The following FAM174B variants were observed in gnomAD, a reference collection of about 807,000 sequenced individuals.
FAM174B encodes the protein membrane protein FAM174B.
Under a neutral mutation model 10.9 loss-of-function variants are expected in FAM174B, and 12 were observed. The ratio of observed to expected loss-of-function variants is 1.10; its 90% CI spans 0.71 to 1.79. The LOEUF (loss-of-function observed/expected upper bound fraction) is 1.79. Ranked by LOEUF, FAM174B falls within the 40% of genes most tolerant of loss-of-function variation. FAM174B has a pLI of 0.00. For synonymous variants in FAM174B, 132 were observed against 115.8 expected (o/e 1.14, Z -0.90); for missense variants, 266 against 233.3 (o/e 1.14, Z -0.91).
At chr15:92,624,188 G>A (rs1292646233) in intron 2 of FAM174B, among the ~76,000 whole-genome samples, 1 of 152,196 alleles carries the variant, frequency 6.6e-6, no homozygotes, top group Non-Finnish European at 1.5e-5. Context: ...GAAGAGGACT[G>A]GCAGAGGTTT....
At chr15:92,634,548 T>C (rs1596298622) in intron 1 of FAM174B, 2 of 152,086 alleles carry the variant, frequency 1.3e-5, no homozygotes, top group East Asian at 1.9e-4. Flanking sequence ...CCCCAACCCA[T>C]AGGAGAAGGA....
At chr15:92,621,637 A>C (rs1303769476) in intron 2 of FAM174B, among the ~76,000 whole-genome samples, 1 of 151,626 alleles carries the variant, frequency 6.6e-6, no homozygotes, top group African/African-American at 2.4e-5. Context: ...GAGTATCTTC[A>C]TATTAGCCAC....
At chr15:92,621,942 G>C (rs1240931331) in intron 2 of FAM174B, among the ~76,000 whole-genome samples, 4 of 152,322 alleles carry the variant, frequency 2.6e-5, no homozygotes, top group Admixed American at 6.5e-5. Flanking sequence ...GATGAAGGGT[G>C]GGGGCACAGG....
chr15:92,632,353 G>T (rs1412207668), intron 1 of FAM174B, among the ~76,000 whole-genome samples: 1 of 152,140 alleles, frequency 6.6e-6, no homozygotes, highest in Non-Finnish European at 1.5e-5. Context: ...GACTATCCTG[G>T]CTAACATGGT....
At position 92,631,165 on chromosome 15, in the gene FAM174B, TAATAATTTATATATTATATTATATATTA is replaced by T. The variant is rs2050797981; in HGVS notation, c.345-848_345-821del. On this transcript the variant is annotated intron_variant, in intron 1 of 2. Transcript: ENST00000327355. ...ATTACATATTATATTATATATTATA[TAATAATTTATATATTATATTATATATTA>T]TATATATTACATATATTATATATTA... Among the ~76,000 whole-genome samples the T allele has an allele frequency of 1.7e-4, 6 of 35,978 alleles. 3 individuals carry two copies. The highest frequency in any genetic ancestry group is 3.6e-4 in the Non-Finnish European group (6 of 16,718). The allele number at this position is 35,978 out of a possible 152,430, so 23.6% of individuals were successfully genotyped here. A position where few individuals can be genotyped will look rare whatever the true frequency, so the allele number is the denominator to read the frequency against.
At position 92,630,204 on chromosome 15, in the gene FAM174B, C is replaced by T. The variant is rs751009876; in HGVS notation, c.476+10G>A. The T allele has an allele frequency of 1.2e-6, 2 of 1,612,792 alleles. No homozygotes were observed. The highest frequency in any genetic ancestry group is 1.3e-5 in the African/African-American group (1 of 74,846). On this transcript the variant is annotated intron_variant, in intron 2 of 2. Transcript: ENST00000327355. ...AAGCCCAGGAGGAAGCCTCTGTCTCCACCCTGTACCTGTATTTGATGTCGA... is the reference window on the plus strand; with the variant it reads ...AAGCCCAGGAGGAAGCCTCTGTCTCTACCCTGTACCTGTATTTGATGTCGA...
chr15:92,625,647 T>A (rs2050747724), intron 2 of FAM174B, among the ~76,000 whole-genome samples: 1 of 152,246 alleles, frequency 6.6e-6, no homozygotes, highest in Non-Finnish European at 1.5e-5. Flanking sequence ...AAACAGCATG[T>A]ATAATACAGT....
chr15:92,619,618 C>T lies in FAM174B; in HGVS notation c.477-159G>A, dbSNP rs961769972. Reference sequence around the variant, plus strand: ...GAGCGTGCTGTCTGGAAGGCGCAATCCACTCTTCCAGCAAACCCCCTCCCT... The same window carrying T: ...GAGCGTGCTGTCTGGAAGGCGCAATTCACTCTTCCAGCAAACCCCCTCCCT... On this transcript the variant is annotated intron_variant, in intron 2 of 2. Transcript: ENST00000327355. 6.5e-6 allele frequency: 5 copies of T among 765,104 alleles called. No individual in the cohort carries two copies. The African/African-American group carries it at 7.1e-5, about 11-fold the overall frequency. The allele number at this position is 765,104 out of a possible 1,614,324, so 47.4% of individuals were successfully genotyped here. A position where few individuals can be genotyped will look rare whatever the true frequency, so the allele number is the denominator to read the frequency against.
At position 92,617,596 on chromosome 15, in the gene FAM174B, G is replaced by T; in HGVS notation, c.*1860C>A. Reference sequence around the variant, plus strand: ...CCCGGGTGTTTCTGCGTAAGGCAGAGGAATCCAGCTTTTCCATGAGATTCA... The same window carrying T: ...CCCGGGTGTTTCTGCGTAAGGCAGATGAATCCAGCTTTTCCATGAGATTCA... On this transcript the variant is annotated 3_prime_UTR_variant, in exon 3 of 3. Transcript: ENST00000327355. 1 of 637,958 alleles carries T rather than the reference G, an allele frequency of 1.6e-6. No homozygotes were observed. Among genetic ancestry groups the T allele is most frequent in the Non-Finnish European group, 2.8e-6 (1 of 359,530 alleles). The allele number at this position is 637,958 out of a possible 1,614,324, so 39.5% of individuals were successfully genotyped here. A position where few individuals can be genotyped will look rare whatever the true frequency, so the allele number is the denominator to read the frequency against.
At chr15:92,635,576 TTTC>T (rs936766462) in intron 1 of FAM174B, among the ~76,000 whole-genome samples, 1 of 146,312 alleles carries the variant, frequency 6.8e-6, no homozygotes, top group Non-Finnish European at 1.5e-5. Flanking sequence ...CACATATTTC[TTTC>T]TTTTTTTTTT....
At chr15:92,650,696 G>C (rs11074091) in intron 1 of FAM174B, among the ~76,000 whole-genome samples, 1 of 152,058 alleles carries the variant, frequency 6.6e-6, no homozygotes, top group African/African-American at 2.4e-5. Context: ...AGCAGTCCTT[G>C]GCTTATGTGT....
At chr15:92,630,558 C>CCTG (rs938093434) in intron 1 of FAM174B, among the ~76,000 whole-genome samples, 4 of 151,838 alleles carry the variant, frequency 2.6e-5, no homozygotes, top group African/African-American at 7.3e-5. Flanking sequence ...CGGTTAACAC[C>CCTG]CTGCTGCCCC....
At chr15:92,629,104 G>C (rs1043952758) in intron 2 of FAM174B, among the ~76,000 whole-genome samples, 2 of 152,144 alleles carry the variant, frequency 1.3e-5, no homozygotes, top group African/African-American at 4.8e-5. Context: ...CTGTGCTGAG[G>C]AACACAGGTG....
intron 2 of FAM174B, among the ~76,000 whole-genome samples, chr15:92,623,908 T>C (rs2050736234): frequency 6.6e-6 from 1 of 152,258 alleles, no homozygotes; most frequent in Admixed American, 6.5e-5. Flanking sequence ...GCATTGATAC[T>C]TAGGATGATT....
intron 2 of FAM174B, among the ~76,000 whole-genome samples, chr15:92,625,731 T>C (rs1323883658): frequency 6.6e-6 from 1 of 152,264 alleles, no homozygotes; most frequent in Non-Finnish European, 1.5e-5. Context: ...AGTAGTGAGA[T>C]GACAAGTAAC....
At position 92,655,310 on chromosome 15, in the gene FAM174B, G is replaced by A. The variant is rs1398819197; in HGVS notation, c.344+6C>T. The A allele has an allele frequency of 2.6e-6, 4 of 1,555,642 alleles. No homozygotes were observed. Among genetic ancestry groups the A allele is most frequent in the Non-Finnish European group, 3.5e-6 (4 of 1,150,368 alleles). ...GCGGGGGAAGGAAGAGGGCGGGAGG[G>A]CCCACCTGAAGACGCGCAGCAGCAG... On this transcript the variant is annotated splice_donor_region_variant and intron_variant, in intron 1 of 2. Coordinates refer to ENST00000327355, the MANE Select transcript of FAM174B (RefSeq NM_207446.3).
At position 92,655,736 on chromosome 15, in the gene FAM174B, C is replaced by A. The variant is rs1210080611; in HGVS notation, c.-77G>T. The A allele has an allele frequency of 6.4e-5, 74 of 1,155,168 alleles. No homozygotes were observed. Among genetic ancestry groups the A allele is most frequent in the Non-Finnish European group, 7.8e-5 (72 of 927,462 alleles). The allele number at this position is 1,155,168 out of a possible 1,614,324, so 71.6% of individuals were successfully genotyped here. On this transcript the variant is annotated 5_prime_UTR_variant, in exon 1 of 3. Coordinates refer to ENST00000327355, the MANE Select transcript of FAM174B (RefSeq NM_207446.3). ...GGATCCGCACCAGCACGGAGGCCTG[C>A]ACCGGGGGATCCTGCGGCGGAGGCG...
At position 92,618,465 on chromosome 15, in the gene FAM174B, G is replaced by T. The variant is rs2050694272; in HGVS notation, c.*991C>A. ...CTCCTGGGTCCTGTGGGGTCTCCTG[G>T]GTCCAGGTGGGTTCCTAGTCCAGCC... On this transcript the variant is annotated 3_prime_UTR_variant, in exon 3 of 3. Coordinates refer to ENST00000327355, the MANE Select transcript of FAM174B (RefSeq NM_207446.3). 1 of 152,352 alleles carries T rather than the reference G, an allele frequency of 6.6e-6. No individual in the cohort carries two copies. The highest frequency in any genetic ancestry group is 1.5e-5 in the Non-Finnish European group (1 of 68,150). 9.4% of individuals were successfully genotyped at this position (152,352 alleles called of 1,614,324 possible). A position where few individuals can be genotyped will look rare whatever the true frequency, so the allele number is the denominator to read the frequency against.
intron 2 of FAM174B, among the ~76,000 whole-genome samples, chr15:92,625,636 A>C (rs2050747697): frequency 6.6e-6 from 1 of 152,262 alleles, no homozygotes; most frequent in Non-Finnish European, 1.5e-5. Context: ...AAAACGTGCC[A>C]AAACAGCATG....
Sources: allele counts gnomAD v4.1 joint callset (sites outside exome capture counted in the v4.1 genomes callset), GRCh38; gene constraint gnomAD v4.1.1; transcripts MANE v1.5; gene names NCBI Gene and HGNC (gene_info 2026-07-23, HGNC 2026-07-21).